LRRFIP1: variants seen among roughly 807,000 people sequenced by gnomAD.
LRRFIP1 encodes the protein leucine-rich repeat flightless-interacting protein 1.
Under a neutral mutation model 104.4 loss-of-function variants are expected in LRRFIP1, and 62 were observed. The ratio of observed to expected loss-of-function variants is 0.59; its 90% confidence interval spans 0.48 to 0.73. The LOEUF is 0.73. LRRFIP1 is among the 30% of genes least tolerant of loss of function. The pLI, the probability that LRRFIP1 is intolerant of heterozygous loss-of-function variation, is 0.00. For synonymous variants in LRRFIP1, 300 were observed against 299.0 expected (o/e 1.00, Z -0.03); for missense variants, 796 against 824.5 (o/e 0.97, Z 0.42).
At position 237,733,823 on chromosome 2, in the gene LRRFIP1, G is replaced by A. The variant is rs183069420; in HGVS notation, c.489+5G>A. 6.5e-5 allele frequency: 105 copies of A among 1,613,962 alleles called. No individual in the cohort carries two copies. Among genetic ancestry groups the A allele is most frequent in the Middle Eastern group, 3.3e-4 (2 of 6,062 alleles). On this transcript the variant is annotated splice_donor_5th_base_variant and intron_variant, in intron 9 of 23. Transcript: ENST00000308482. ...CGGCCTTCGGGGAGTTACCGGGTGC[G>A]TGTGCTGCCCACCCTGCTGCCCCGC...
At chr2:237,758,966 C>A (rs1224705976) in intron 18 of LRRFIP1, 145 bp downstream of exon 18, 1 of 566,180 alleles carries the variant, frequency 1.8e-6, no homozygotes, top group Admixed American at 3.4e-5. Flanking sequence ...ATTGGGTTAA[C>A]TGACAGCGAT....
At chr2:237,650,286 T>TG (rs573227367) in intron 1 of LRRFIP1, among the ~76,000 whole-genome samples, 85 of 151,864 alleles carry the variant, frequency 5.6e-4, no homozygotes, top group African/African-American at 1.8e-3. Flanking sequence ...GCATGGGGGC[T>TG]GTTGTGGCTG....
intron 11 of LRRFIP1, among the ~76,000 whole-genome samples, chr2:237,739,520 G>A (rs2095351473): frequency 6.6e-6 from 1 of 152,226 alleles, no homozygotes; most frequent in Non-Finnish European, 1.5e-5. Flanking sequence ...TACAAAGGGA[G>A]AAAATAATAT....
intron 8 of LRRFIP1, 28 bp downstream of exon 8, chr2:237,727,963 A>G (rs75270337): frequency 0.037 from 56,772 of 1,526,278 alleles, 1,152 homozygotes; most frequent in Middle Eastern, 0.056. Flanking sequence ...GCATGGCTCA[A>G]AATTCAAATA....
In LRRFIP1 at chr2:237,748,395, A is replaced by G. The variant is rs1404886028; in HGVS notation, c.665A>G (p.Glu222Gly). Residue 222 changes from glutamate (E) to glycine (G), a missense_variant, in exon 12 of 24, where the codon GAG becomes GGG. By Grantham distance (98) the Glu-to-Gly change is moderately conservative. Transcript: ENST00000308482. ...GAGAGACCAGAAAAAGATTTTACTG[A>G]GAAGGTAAGGAATCGTTCATAAACC... ...VEERPEKDFT[E>G]KGSRNMPGLS... 1 of 1,605,170 alleles carries G rather than the reference A, an allele frequency of 6.2e-7. No individual in the cohort carries two copies. Among genetic ancestry groups the G allele is most frequent in the Non-Finnish European group, 8.5e-7 (1 of 1,177,154 alleles).
At chr2:237,701,164 C>T (rs757459648) in intron 1 of LRRFIP1, among the ~76,000 whole-genome samples, 9 of 152,338 alleles carry the variant, frequency 5.9e-5, no homozygotes, top group Admixed American at 3.9e-4. Context: ...GCGAGCCTCC[C>T]GCAGCACCTG....
intron 1 of LRRFIP1, among the ~76,000 whole-genome samples, chr2:237,695,313 T>C (rs953400391): frequency 2.0e-5 from 3 of 152,202 alleles, no homozygotes; most frequent in Non-Finnish European, 4.4e-5. Flanking sequence ...CCCTGCAGTC[T>C]CAACTGCCAC....
chr2:237,768,016 T>C (rs2060348746), intron 19 of LRRFIP1, among the ~76,000 whole-genome samples: 1 of 152,238 alleles, frequency 6.6e-6, no homozygotes, highest in South Asian at 2.1e-4. Flanking sequence ...TTTTTCAACA[T>C]GTGAATGGCT....
At chr2:237,702,191 C>G (rs1326954050) in intron 1 of LRRFIP1, among the ~76,000 whole-genome samples, 1 of 152,210 alleles carries the variant, frequency 6.6e-6, no homozygotes, top group Non-Finnish European at 1.5e-5. Flanking sequence ...ACCTCCCTAT[C>G]AGAGGGCTGT....
At chr2:237,723,246 C>T (rs543239025) in intron 6 of LRRFIP1, among the ~76,000 whole-genome samples, 2 of 152,232 alleles carry the variant, frequency 1.3e-5, no homozygotes, top group South Asian at 2.1e-4. Context: ...AACCTTTGCC[C>T]TTTTGTAACT....
chr2:237,755,960 A>C (rs1296090518), intron 15 of LRRFIP1, 135 bp from the exon 16 acceptor site: 22 of 489,240 alleles, frequency 4.5e-5, no homozygotes. Context: ...AAAAAATAAA[A>C]TAAAAGACCT....
At chr2:237,772,586 T>C in intron 21 of LRRFIP1, 3 of 515,858 alleles carry the variant, frequency 5.8e-6, no homozygotes, top group Admixed American at 3.6e-5. Context: ...CTCTCCGCCC[T>C]TTTCCCTACC....
At chr2:237,720,327 A>T (rs2094495254) in intron 5 of LRRFIP1, among the ~76,000 whole-genome samples, 1 of 151,670 alleles carries the variant, frequency 6.6e-6, no homozygotes. Flanking sequence ...GGCTCACTGC[A>T]ATGTCTGCCT....
chr2:237,749,385 A>AT, intron 13 of LRRFIP1, 61 bp downstream of exon 13: 3 of 1,553,592 alleles, frequency 1.9e-6, no homozygotes, highest in Non-Finnish European at 2.6e-6. Flanking sequence ...CAGTCTTTAG[A>AT]TTAAAAAAAA....
intron 3 of LRRFIP1, among the ~76,000 whole-genome samples, chr2:237,716,891 A>G (rs887809086): frequency 2.6e-5 from 4 of 152,248 alleles, no homozygotes; most frequent in African/African-American, 9.6e-5. Flanking sequence ...TGAACAGGAT[A>G]AAAACATGGA....
chr2:237,718,509 C>T (rs957452597), intron 4 of LRRFIP1, among the ~76,000 whole-genome samples: 8 of 152,186 alleles, frequency 5.3e-5, no homozygotes, highest in South Asian at 2.1e-4. Flanking sequence ...AGGGAGGCTG[C>T]GGAAGGGGCA....
chr2:237,692,407 G>T, intron 1 of LRRFIP1: 1 of 1,439,990 alleles, frequency 6.9e-7, no homozygotes, highest in South Asian at 1.4e-5. Context: ...GGCTCCCGGC[G>T]CGGTCCCCGA....
At chr2:237,707,516 CTG>C (rs1489167934) in intron 1 of LRRFIP1, among the ~76,000 whole-genome samples, 4 of 150,362 alleles carry the variant, frequency 2.7e-5, no homozygotes, top group African/African-American at 9.8e-5. Context: ...CGTCTGAAAA[CTG>C]TTTATAGAAC....
intron 1 of LRRFIP1, among the ~76,000 whole-genome samples, chr2:237,671,523 G>C (rs1436285557): frequency 6.6e-6 from 1 of 152,126 alleles, no homozygotes; most frequent in African/African-American, 2.4e-5. Flanking sequence ...TGAGCCTTTT[G>C]TCTTCCAGCA....
Sources: gnomAD v4.1 joint callset for allele counts (sites outside exome capture counted in the v4.1 genomes callset) on GRCh38, gnomAD v4.1.1 for gene constraint, MANE v1.5 for transcripts, NCBI Gene and HGNC (gene_info 2026-07-23, HGNC 2026-07-21) for gene names.